PCDH9: variants seen among roughly 807,000 people sequenced by gnomAD.
PCDH9 encodes the protein protocadherin 9, also known as protocadherin-9.
In PCDH9, 24 loss-of-function variants were observed where a neutral mutation model predicts 70.6. That is an observed-to-expected ratio of 0.34 (90% CI 0.25 to 0.48). The LOEUF is 0.48. Ranked by LOEUF, PCDH9 falls within the 20% of genes least tolerant of loss-of-function variation. The probability of loss-of-function intolerance (pLI) is 0.99; values close to 1 mark genes in which losing one functional copy is unlikely to be tolerated. For synonymous variants in PCDH9, 562 were observed against 558.5 expected (o/e 1.01, Z -0.09); for missense variants, 1,281 against 1,503.6 (o/e 0.85, Z 2.45).
intron 4 of PCDH9, among the ~76,000 whole-genome samples, chr13:66,358,792 G>A (rs1432255538): frequency 6.6e-6 from 1 of 151,890 alleles, no homozygotes; most frequent in African/African-American, 2.4e-5. Context: ...TTTCATATGA[G>A]GATAAATGAC....
chr13:66,700,173 C>CTT (rs67064877), intron 3 of PCDH9, among the ~76,000 whole-genome samples: 14 of 74,352 alleles, frequency 1.9e-4, no homozygotes, highest in Non-Finnish European at 4.2e-4. Context: ...AATCAAAGTG[C>CTT]TCCTTCATGG....
In PCDH9 at chr13:66,724,782, T is replaced by C. The variant is rs376625959; in HGVS notation, c.3139-93371A>G. On this transcript the variant is annotated intron_variant, in intron 3 of 4. Transcript: ENST00000377865. Reference sequence around the variant, plus strand: ...GCTTCCCTATGTTAACAACCACCAATCAGAGCTTATCTAGTGTCTCTCCCA... The same window carrying C: ...GCTTCCCTATGTTAACAACCACCAACCAGAGCTTATCTAGTGTCTCTCCCA... Among the ~76,000 whole-genome samples the C allele has an allele frequency of 3.7e-4, 57 of 152,226 alleles. 1 individual carries two copies. In the South Asian group the frequency reaches 0.011, roughly 28 times the overall value.
chr13:67,015,467 C>A (rs749475460), intron 2 of PCDH9, among the ~76,000 whole-genome samples: 2 of 152,204 alleles, frequency 1.3e-5, no homozygotes, highest in East Asian at 3.9e-4. Context: ...GGTGTCACCA[C>A]CTAGCCAGTC....
intron 4 of PCDH9, among the ~76,000 whole-genome samples, chr13:66,566,040 T>A (rs1297684099): frequency 6.6e-6 from 1 of 152,132 alleles, no homozygotes; most frequent in Non-Finnish European, 1.5e-5. Flanking sequence ...AGGGAAGATT[T>A]GTGGAAGAGA....
At chr13:66,555,873 A>G (rs1376030806) in intron 4 of PCDH9, among the ~76,000 whole-genome samples, 4 of 149,066 alleles carry the variant, frequency 2.7e-5, no homozygotes, top group Admixed American at 1.3e-4. Context: ...TCGGTACTAC[A>G]GTCACTATTG....
At chr13:67,042,068 A>C (rs1230722230) in intron 2 of PCDH9, among the ~76,000 whole-genome samples, 1 of 151,906 alleles carries the variant, frequency 6.6e-6, no homozygotes, top group Non-Finnish European at 1.5e-5. Context: ...CATCTCCAGG[A>C]TGGGGGTGTT....
At chr13:66,604,931 G>A (rs2077204943) in intron 4 of PCDH9, among the ~76,000 whole-genome samples, 1 of 151,834 alleles carries the variant, frequency 6.6e-6, no homozygotes, top group Non-Finnish European at 1.5e-5. Context: ...TAAAATTCCA[G>A]CTACATAAAG....
intron 3 of PCDH9, among the ~76,000 whole-genome samples, chr13:66,765,165 G>T (rs1276162357): frequency 4.7e-5 from 7 of 150,280 alleles, no homozygotes; most frequent in African/African-American, 1.7e-4. Flanking sequence ...TCTAAAATGA[G>T]CTCTGGCAGA....
chr13:66,369,346 A>C (rs923128826), intron 4 of PCDH9, among the ~76,000 whole-genome samples: 4 of 152,164 alleles, frequency 2.6e-5, no homozygotes, highest in Admixed American at 6.6e-5. Flanking sequence ...ACTTATACTA[A>C]CACAATTTTG....
At chr13:66,689,710 G>A (rs376980259) in intron 3 of PCDH9, among the ~76,000 whole-genome samples, 10 of 152,006 alleles carry the variant, frequency 6.6e-5, no homozygotes, top group East Asian at 5.8e-4. Context: ...AGGTATCTTC[G>A]GGTGTTGACT....
chr13:66,745,565 T>C (rs193230316), intron 3 of PCDH9, among the ~76,000 whole-genome samples: 22 of 152,260 alleles, frequency 1.4e-4, no homozygotes, highest in African/African-American at 5.1e-4. Flanking sequence ...TCAGCAGCTG[T>C]TGGGAACAGT....
intron 2 of PCDH9, chr13:67,205,095 C>T (rs1433807585): frequency 3.3e-5 from 5 of 152,162 alleles, no homozygotes; most frequent in African/African-American, 9.6e-5. Flanking sequence ...CAAATTGATG[C>T]CTATCTTTGC....
chr13:67,086,394 A>C (rs61959365), intron 2 of PCDH9, among the ~76,000 whole-genome samples: 18 of 152,352 alleles, frequency 1.2e-4, no homozygotes, highest in Non-Finnish European at 2.5e-4. Flanking sequence ...AGAAATTGCT[A>C]TGTAAATATC....
chr13:67,047,734 G>A (rs1197839474), intron 2 of PCDH9, among the ~76,000 whole-genome samples: 2 of 152,130 alleles, frequency 1.3e-5, no homozygotes, highest in Non-Finnish European at 2.9e-5. Context: ...CCAAGTTCTT[G>A]TATTCTAATA....
In PCDH9 at chr13:67,022,055, T is replaced by C. The variant is rs1441505084; in HGVS notation, c.3037-118450A>G. Among the ~76,000 whole-genome samples the C allele has an allele frequency of 2.0e-5, 3 of 150,502 alleles. No homozygotes were observed. In the South Asian group the frequency reaches 6.3e-4, roughly 31 times the overall value. On this transcript the variant is annotated intron_variant, in intron 2 of 4. Transcript: ENST00000377865. Reference sequence around the variant, plus strand: ...GGCCTAAAAATAGGAGCTTTCTTTATTTCATAAGAATGTTCCAGCTCCTAA... The same window carrying C: ...GGCCTAAAAATAGGAGCTTTCTTTACTTCATAAGAATGTTCCAGCTCCTAA...
At chr13:66,740,242 T>G (rs1001463379) in intron 3 of PCDH9, among the ~76,000 whole-genome samples, 1 of 135,642 alleles carries the variant, frequency 7.4e-6, no homozygotes, top group African/African-American at 2.8e-5. Flanking sequence ...GAATGACTAC[T>G]GGGTACATAA....
intron 2 of PCDH9, among the ~76,000 whole-genome samples, chr13:67,047,133 GTTACA>G (rs2085237865): frequency 6.6e-6 from 1 of 151,970 alleles, no homozygotes; most frequent in Non-Finnish European, 1.5e-5. Context: ...TGTACTCTTG[GTTACA>G]CAACTAGTGC....
chr13:66,420,596 A>G (rs1427971847), intron 4 of PCDH9, among the ~76,000 whole-genome samples: 1 of 152,204 alleles, frequency 6.6e-6, no homozygotes, highest in African/African-American at 2.4e-5. Context: ...GAGAGGCCTG[A>G]CTGTTAGAAG....
chr13:66,672,417 C>T (rs2078188112), intron 3 of PCDH9, among the ~76,000 whole-genome samples: 1 of 152,166 alleles, frequency 6.6e-6, no homozygotes, highest in South Asian at 2.1e-4. Flanking sequence ...GCCTTGATGG[C>T]CAGGCAGAGG....
Sources: allele counts gnomAD v4.1 joint callset (sites outside exome capture counted in the v4.1 genomes callset), GRCh38; gene constraint gnomAD v4.1.1; transcripts MANE v1.5; gene names NCBI Gene and HGNC (gene_info 2026-07-23, HGNC 2026-07-21).